The following PARD3B variants were observed in gnomAD, a reference collection of about 807,000 sequenced individuals.
PARD3B encodes partitioning defective 3 homolog B.
In PARD3B, 103 loss-of-function variants were observed where a neutral mutation model predicts 130.2. The ratio of observed to expected loss-of-function variants is 0.79; its 90% CI spans 0.67 to 0.93. The LOEUF is 0.93. Among genes scored for constraint, PARD3B ranks in the 40% least tolerant of loss-of-function variants. The probability of loss-of-function intolerance (pLI) is 0.00; values close to 1 mark genes in which losing one functional copy is unlikely to be tolerated. For missense variants in PARD3B, 1,609 were observed against 1,499.2 expected (o/e 1.07, Z -1.21); for synonymous variants, 583 against 553.2 (o/e 1.05, Z -0.76).
At chr2:204,829,971 C>T (rs1459144863) in intron 2 of PARD3B, among the ~76,000 whole-genome samples, 1 of 140,062 alleles carries the variant, frequency 7.1e-6, no homozygotes, top group African/African-American at 2.8e-5. Context: ...TGCACTCCAG[C>T]CTGGGCGACA....
At chr2:205,353,097 A>G (rs1434016449) in intron 18 of PARD3B, among the ~76,000 whole-genome samples, 1 of 152,228 alleles carries the variant, frequency 6.6e-6, no homozygotes, top group Non-Finnish European at 1.5e-5. Context: ...TTAACTCGTT[A>G]CTGTGTCCAG....
intron 19 of PARD3B, among the ~76,000 whole-genome samples, chr2:205,436,234 T>G (rs1488703118): frequency 1.3e-5 from 2 of 152,142 alleles, no homozygotes; most frequent in Non-Finnish European, 2.9e-5. Context: ...ACTACCACAA[T>G]GGAGACTGTA....
intron 2 of PARD3B, among the ~76,000 whole-genome samples, chr2:204,879,808 C>A (rs186654353): frequency 6.6e-6 from 1 of 152,190 alleles, no homozygotes; most frequent in African/African-American, 2.4e-5. Flanking sequence ...TGTGTACTTA[C>A]ATCTGACAGC....
At position 205,240,172 on chromosome 2, in the gene PARD3B, C is replaced by A. The variant is rs183055209; in HGVS notation, c.2141-5606C>A. Among the ~76,000 whole-genome samples, 901 of 152,222 alleles carry A rather than the reference C, an allele frequency of 5.9e-3. 4 individuals carry two copies. Among genetic ancestry groups the A allele is most frequent in the Non-Finnish European group, 8.2e-3 (558 of 68,004 alleles). On this transcript the variant is annotated intron_variant, in intron 15 of 22. Coordinates refer to ENST00000406610, the MANE Select transcript of PARD3B (RefSeq NM_001302769.2). ...AACAGGTTTGCATTCCTTAGAAATTCTGGAAATCAATCAGTGGCACAGAAA... is the reference window on the plus strand; with the variant it reads ...AACAGGTTTGCATTCCTTAGAAATTATGGAAATCAATCAGTGGCACAGAAA...
chr2:204,988,114 A>C (rs1693333869), intron 3 of PARD3B, among the ~76,000 whole-genome samples: 1 of 152,162 alleles, frequency 6.6e-6, no homozygotes, highest in African/African-American at 2.4e-5. Context: ...GGAGAGAAAA[A>C]AGCTGAGACA....
intron 18 of PARD3B, chr2:205,302,056 T>C (rs1486212831): frequency 2.2e-6 from 1 of 464,486 alleles, no homozygotes; most frequent in Non-Finnish European, 3.6e-6. Flanking sequence ...TTTTTTTCTT[T>C]TTTCTTTTCT....
intron 21 of PARD3B, among the ~76,000 whole-genome samples, chr2:205,519,997 T>G (rs1351177253): frequency 2.0e-5 from 3 of 152,148 alleles, no homozygotes; most frequent in African/African-American, 2.4e-5. Flanking sequence ...GCTCTGAAAG[T>G]TTGGGTTCTC....
At chr2:205,007,223 A>ATTGTAAGT (rs1695338922) in intron 3 of PARD3B, among the ~76,000 whole-genome samples, 1 of 152,192 alleles carries the variant, frequency 6.6e-6, no homozygotes, top group East Asian at 1.9e-4. Context: ...TTCCACCGTG[A>ATTGTAAGT]TTGTAAGTTT....
Position 204,623,191 on chromosome 2 carries a change from A to T in PARD3B, c.121-62990A>T, listed in dbSNP as rs1417463030. Among the ~76,000 whole-genome samples the T allele has an allele frequency of 6.6e-6, 1 of 152,184 alleles. No homozygotes were observed. Among genetic ancestry groups the T allele is most frequent in the South Asian group, 2.1e-4 (1 of 4,836 alleles). On this transcript the variant is annotated intron_variant, in intron 1 of 22. Transcript: ENST00000406610. This position sits in a 1 kb window ranked among gnomAD's most constrained non-coding sequence, Gnocchi z 4.5. The stretch of plus-strand genomic sequence containing the variant: ...ATTCACAGGAAATTTCAAAGATACC[A>T]CAGGGAGGTCCCACATACTATTCAC...
chr2:204,748,031 T>G (rs981822765), intron 2 of PARD3B, among the ~76,000 whole-genome samples: 6 of 152,046 alleles, frequency 3.9e-5, no homozygotes, highest in African/African-American at 1.4e-4. Context: ...GGGAAAAACA[T>G]CATCATTAGG....
At chr2:204,752,628 C>A (rs1006447514) in intron 2 of PARD3B, among the ~76,000 whole-genome samples, 2 of 152,144 alleles carry the variant, frequency 1.3e-5, no homozygotes, top group African/African-American at 4.8e-5. Flanking sequence ...ATTCTAGGAA[C>A]AACTACTACT....
rs11319522 is a variant in PARD3B at position 205,559,596 on chromosome 2, CTTTTTTTTT to C, written c.3260+6205_3260+6213del. Among the ~76,000 whole-genome samples the C allele has an allele frequency of 7.4e-4, 54 of 72,854 alleles. 1 individual carries two copies. Among genetic ancestry groups the C allele is most frequent in the African/African-American group, 2.5e-3 (51 of 20,016 alleles). 47.8% of individuals were successfully genotyped at this position (72,854 alleles called of 152,430 possible). On this transcript the variant is annotated intron_variant, in intron 22 of 22. Transcript: ENST00000406610. Reference sequence around the variant, plus strand: ...TCTCTGAAATCAATAGAAGTCCAGACTTTTTTTTTTTTTTTTTTTTGAGACAGAGTCTCA... The same window carrying C: ...TCTCTGAAATCAATAGAAGTCCAGACTTTTTTTTTTTGAGACAGAGTCTCA...
chr2:205,124,548 A>C, intron 9 of PARD3B, 82 bp downstream of exon 9: 41 of 932,538 alleles, frequency 4.4e-5, no homozygotes, highest in Non-Finnish European at 5.1e-5. Flanking sequence ...AATATATGTA[A>C]ATATATTAAT....
chr2:205,293,216 A>T (rs1861510), intron 16 of PARD3B, among the ~76,000 whole-genome samples: 139,676 of 152,226 alleles, frequency 0.92, 64,303 homozygotes, highest in African/African-American at 0.96. Flanking sequence ...TCAATCAAAC[A>T]TTGACCTTTT....
chr2:205,030,573 T>C (rs1325514164), intron 3 of PARD3B, among the ~76,000 whole-genome samples: 3 of 152,180 alleles, frequency 2.0e-5, no homozygotes, highest in Non-Finnish European at 4.4e-5. Context: ...TTGATGTTGT[T>C]AAGCATGTAT....
Position 205,176,641 on chromosome 2 carries a change from CTAA to C in PARD3B, c.1924+65_1924+67del. ...AGAAAACACAAAAGTGTCTTTTTAT[CTAA>C]AAAAAAAAAAAAAGAGTAAAGGGGA... On this transcript the variant is annotated intron_variant, in intron 13 of 22. Transcript: ENST00000406610. This position sits in a 1 kb window ranked among gnomAD's most constrained non-coding sequence, Gnocchi z 5.3. 8.4e-7 allele frequency: 1 copy of C among 1,185,014 alleles called. No individual in the cohort carries two copies. Among genetic ancestry groups the C allele is most frequent in the Admixed American group, 3.7e-5 (1 of 26,828 alleles). 73.4% of individuals were successfully genotyped at this position (1,185,014 alleles called of 1,614,324 possible). A position where few individuals can be genotyped will look rare whatever the true frequency, so the allele number is the denominator to read the frequency against.
intron 1 of PARD3B, among the ~76,000 whole-genome samples, chr2:204,666,735 G>A (rs2036042012): frequency 6.6e-6 from 1 of 152,102 alleles, no homozygotes; most frequent in Admixed American, 6.6e-5. Flanking sequence ...AAACACCTAA[G>A]GTGTAGAATG....
At chr2:205,285,467 C>T (rs2041357878) in intron 16 of PARD3B, among the ~76,000 whole-genome samples, 1 of 152,184 alleles carries the variant, frequency 6.6e-6, no homozygotes, top group African/African-American at 2.4e-5. Flanking sequence ...TCCAGGGTCA[C>T]TGACTTCAGA....
chr2:204,868,004 G>A (rs989620801), intron 2 of PARD3B, among the ~76,000 whole-genome samples: 1 of 152,126 alleles, frequency 6.6e-6, no homozygotes, highest in Admixed American at 6.5e-5. Flanking sequence ...GATGGAGCAG[G>A]GTCTGAGGGA....
Sources: allele counts gnomAD v4.1 joint callset (sites outside exome capture counted in the v4.1 genomes callset), GRCh38; gene constraint gnomAD v4.1.1; non-coding constraint Gnocchi (gnomAD v3.1); transcripts MANE v1.5; gene names NCBI Gene and HGNC (gene_info 2026-07-23, HGNC 2026-07-21).